Variants in PARP4 observed in about 807,000 individuals in gnomAD.
PARP4 encodes the protein protein mono-ADP-ribosyltransferase PARP4.
PARP4 carries 120 observed loss-of-function variants against 187.7 expected under a neutral mutation model. The observed-to-expected ratio is 0.64, with a 90% CI of 0.55 to 0.74. PARP4 has a LOEUF of 0.74. Among genes scored for constraint, PARP4 ranks in the 30% least tolerant of loss-of-function variants. PARP4 has a pLI of 0.00. For missense variants in PARP4, 1,836 were observed against 2,070.5 expected (o/e 0.89, Z 2.20); for synonymous variants, 654 against 740.9 (o/e 0.88, Z 1.90).
chr13:24,479,809 G>A (rs1873172480), intron 12 of PARP4, among the ~76,000 whole-genome samples: 1 of 152,194 alleles, frequency 6.6e-6, no homozygotes, highest in Admixed American at 6.5e-5. Context: ...TGGAAGCTTT[G>A]TTCTTTCGCT....
intron 33 of PARP4, among the ~76,000 whole-genome samples, chr13:24,424,359 C>CT (rs559155728): frequency 1.2e-3 from 184 of 151,892 alleles, no homozygotes; most frequent in African/African-American, 4.3e-3. Context: ...GCTCCTCAAC[C>CT]TTTTTTTTCT....
chr13:24,505,859 C>T (rs146596047), intron 1 of PARP4, among the ~76,000 whole-genome samples: 3 of 152,336 alleles, frequency 2.0e-5, no homozygotes, highest in Admixed American at 1.3e-4. Context: ...ATCGCGGTTC[C>T]GGGTCCTGTG....
In PARP4 at chr13:24,434,280, C is replaced by G. The variant is rs927010196; in HGVS notation, c.4746+115G>C. 7 of 940,922 alleles carry G rather than the reference C, an allele frequency of 7.4e-6. No homozygotes were observed. The African/African-American group carries it at 1.2e-4, about 16-fold the overall frequency. 58.3% of individuals were successfully genotyped at this position (940,922 alleles called of 1,614,324 possible). ...TATGATTTATACCCAGTGTACAACC[C>G]CTTCCTTCACTACAGACTGATGATA... On this transcript the variant is annotated intron_variant, in intron 31 of 33. Transcript: ENST00000381989.
chr13:24,465,475 C>T (rs1172056426), intron 17 of PARP4, among the ~76,000 whole-genome samples: 1 of 152,078 alleles, frequency 6.6e-6, no homozygotes, highest in Non-Finnish European at 1.5e-5. Context: ...TTTGCAGGGA[C>T]ATGAATGAAG....
chr13:24,423,741 G>A (rs371450863), intron 33 of PARP4, among the ~76,000 whole-genome samples: 18 of 151,660 alleles, frequency 1.2e-4, no homozygotes, highest in African/African-American at 1.9e-4. Flanking sequence ...GCAGTGGCAC[G>A]ATCACAACTC....
chr13:24,498,361 C>T (rs1454985766), intron 5 of PARP4, 132 bp from the exon 6 acceptor site: 1 of 609,862 alleles, frequency 1.6e-6, no homozygotes, highest in African/African-American at 1.9e-5. Flanking sequence ...AGAAAAGTAT[C>T]AAGAAGAAAA....
intron 25 of PARP4, among the ~76,000 whole-genome samples, chr13:24,448,222 C>A (rs959848080): frequency 6.6e-6 from 1 of 151,832 alleles, no homozygotes; most frequent in South Asian, 2.1e-4. Flanking sequence ...AAAACACCAA[C>A]GACAAACAAA....
chr13:24,479,443 G>A (rs1371349743), intron 12 of PARP4, among the ~76,000 whole-genome samples: 2 of 152,170 alleles, frequency 1.3e-5, no homozygotes, highest in African/African-American at 4.8e-5. Flanking sequence ...CTGGGCTCCT[G>A]AGTCTGGTGG....
At position 24,443,738 on chromosome 13, in the gene PARP4, T is replaced by TA; in HGVS notation, c.3367-9dup. 2 of 1,606,410 alleles carry TA rather than the reference T, an allele frequency of 1.2e-6. No individual in the cohort carries two copies. On this transcript the variant is annotated splice_polypyrimidine_tract_variant and intron_variant, in intron 27 of 33. Transcript: ENST00000381989. ...TGCCAGCTTGTGGATCATCTGTGTT[T>TA]AAGCAGCAAAGGAAAAAAAATATTC...
In PARP4 at chr13:24,499,364, C is replaced by A. The variant is rs748705865; in HGVS notation, c.414G>T (p.Gln138His). Residue 138 changes from glutamine to histidine, a missense_variant, in exon 5 of 34, where the codon CAG becomes CAT. By Grantham distance (24) the Gln-to-His change is conservative. This residue lies in a region of PARP4 where 1,147 missense variants were observed against 1,214.2 expected (regional missense o/e 0.94). Coordinates refer to ENST00000381989, the MANE Select transcript of PARP4 (RefSeq NM_006437.4). ...DTVELTEFGMQNVEIPHLPQD... is the reference protein window; with the variant it reads ...DTVELTEFGMHNVEIPHLPQD... ...GAGGAAGATGAGGAATTTCAACATTCTGCATACCAAACCTGAAATTTGTAG... is the reference window on the plus strand; with the variant it reads ...GAGGAAGATGAGGAATTTCAACATTATGCATACCAAACCTGAAATTTGTAG... 6.3e-7 allele frequency: 1 copy of A among 1,576,826 alleles called. No individual in the cohort carries two copies. The highest frequency in any genetic ancestry group is 8.6e-7 in the Non-Finnish European group (1 of 1,163,848).
chr13:24,466,836 T>A (rs1593620800), intron 17 of PARP4, among the ~76,000 whole-genome samples: 1 of 134,278 alleles, frequency 7.4e-6, no homozygotes. Flanking sequence ...AAGCCAATAA[T>A]GGAGATACAA....
intron 22 of PARP4, 122 bp downstream of exon 22, chr13:24,454,895 A>G (rs950542764): frequency 5.5e-6 from 4 of 721,644 alleles, no homozygotes; most frequent in South Asian, 2.8e-5. Flanking sequence ...TTGTTCTTCA[A>G]TTTCATACTA....
chr13:24,442,434 G>A (rs1275953294), intron 29 of PARP4, among the ~76,000 whole-genome samples, 156 bp downstream of exon 29: 3 of 152,298 alleles, frequency 2.0e-5, no homozygotes, highest in African/African-American at 7.2e-5. Context: ...CCATGAATGG[G>A]AGGCTGGGAC....
At chr13:24,427,321 T>C (rs1001244168) in intron 32 of PARP4, among the ~76,000 whole-genome samples, 7 of 152,168 alleles carry the variant, frequency 4.6e-5, no homozygotes, top group African/African-American at 1.7e-4. Context: ...AATGTTTACA[T>C]GTGTTGAACT....
intron 17 of PARP4, among the ~76,000 whole-genome samples, chr13:24,467,617 T>G (rs1872537324): frequency 6.6e-6 from 1 of 152,192 alleles, no homozygotes; most frequent in African/African-American, 2.4e-5. Context: ...GGTATTTATA[T>G]AACAATGCAT....
rs148887794 is a variant in PARP4 at position 24,443,985 on chromosome 13, T to C, written c.3367-255A>G. On this transcript the variant is annotated intron_variant, in intron 27 of 33. Coordinates refer to ENST00000381989, the MANE Select transcript of PARP4 (RefSeq NM_006437.4). ...TTCCTCAAGCCCTGGCAGCTCCTCATCTGCTTTCTGTCCCTAGAGTTTTGC... is the reference window on the plus strand; with the variant it reads ...TTCCTCAAGCCCTGGCAGCTCCTCACCTGCTTTCTGTCCCTAGAGTTTTGC... Among the ~76,000 whole-genome samples, 493 of 152,332 alleles carry C rather than the reference T, an allele frequency of 3.2e-3. 1 individual carries two copies. The highest frequency in any genetic ancestry group is 0.014 in the Middle Eastern group (4 of 294).
rs1287690486 is a variant in PARP4 at position 24,442,785 on chromosome 13, G to C, written c.3448-100C>G. 3 of 656,494 alleles carry C rather than the reference G, an allele frequency of 4.6e-6. No individual in the cohort carries two copies. In the African/African-American group the frequency reaches 5.4e-5, roughly 12 times the overall value. 40.7% of individuals were successfully genotyped at this position (656,494 alleles called of 1,614,324 possible). ...CGTATTTCAGACTAAATATTGAATT[G>C]CAGGTCCCATCTAAATCGGTGGCTC... On this transcript the variant is annotated intron_variant, in intron 28 of 33. Transcript: ENST00000381989.
Position 24,452,576 on chromosome 13 carries a change from C to T in PARP4, c.2844G>A (p.Met948Ile). Reference sequence around the variant, plus strand: ...GTGTTTTCCAGAAGTCTGTGTTCCCCATGGTAGGTGTGGCAGACTGGAGGA... The same window carrying T: ...GTGTTTTCCAGAAGTCTGTGTTCCCTATGGTAGGTGTGGCAGACTGGAGGA... ...AEFIMSATPT[M>I]GNTDFWKTLR... is the part of the protein sequence containing the mutation. Residue 948 changes from methionine to isoleucine, a missense_variant, in exon 24 of 34, where the codon ATG (methionine) becomes ATA (isoleucine). Met to Ile is a conservative substitution (Grantham distance 10). Around this residue, in one of 8 missense-constraint regions of PARP4, gnomAD observed 1,147 missense variants for 1,214.2 expected, o/e 0.94. Transcript: ENST00000381989. 2 of 1,613,176 alleles carry T rather than the reference C, an allele frequency of 1.2e-6. No homozygotes were observed. Among genetic ancestry groups the T allele is most frequent in the East Asian group, 2.2e-5 (1 of 44,856 alleles).
chr13:24,505,726 C>T (rs1398087128), intron 1 of PARP4, among the ~76,000 whole-genome samples: 1 of 152,204 alleles, frequency 6.6e-6, no homozygotes, highest in Non-Finnish European at 1.5e-5. Context: ...GACAGGGTTT[C>T]GCTATGTTGC....
Sources: gnomAD v4.1 joint callset for allele counts (sites outside exome capture counted in the v4.1 genomes callset) on GRCh38, gnomAD v4.1.1 for gene constraint, gnomAD v4.1.1 regional missense constraint, MANE v1.5 for transcripts, NCBI Gene and HGNC (gene_info 2026-07-23, HGNC 2026-07-21) for gene names.